Variants in PRPF38B observed in about 807,000 individuals in gnomAD.
PRPF38B encodes the protein pre-mRNA processing factor 38B.
A neutral mutation model predicts 67.2 loss-of-function variants in PRPF38B; 18 were observed. The observed-to-expected ratio is 0.27, with a 90% CI of 0.19 to 0.40. The LOEUF (loss-of-function observed/expected upper bound fraction) is 0.40. PRPF38B is among the 10% of genes least tolerant of loss of function. PRPF38B has a pLI of 1.00. For missense variants in PRPF38B, 544 were observed against 684.9 expected (o/e 0.79, Z 2.30); for synonymous variants, 246 against 234.2 (o/e 1.05, Z -0.46).
chr1:108,699,370 A>G lies in PRPF38B; in HGVS notation c.991A>G (p.Arg331Gly), dbSNP rs1342328551. The G allele has an allele frequency of 9.8e-5, 158 of 1,614,092 alleles. 1 individual carries two copies. Among genetic ancestry groups the G allele is most frequent in the Non-Finnish European group, 1.3e-4 (156 of 1,180,044 alleles). The change falls in exon 6 of 6, where the codon AGA becomes GGA. Residue 331 changes from arginine (R) to glycine (G), a missense_variant. By Grantham distance (125) the Arg-to-Gly change is moderately radical (BLOSUM62 -2). Around this residue, in one of 5 missense-constraint regions of PRPF38B, gnomAD observed 387 missense variants for 386.1 expected, o/e 1.00. Transcript: ENST00000370025. ...IDRGLERRRS[R>G]SRERHRSRSR... ...CCGGGGGTTAGAACGCAGGCGCAGC[A>G]GAAGTAGGGAAAGGCATAGAAGTCG... is the stretch of plus-strand genomic sequence containing the variant.
intron 2 of PRPF38B, 66 bp downstream of exon 2, chr1:108,695,836 C>G: frequency 6.5e-7 from 1 of 1,534,918 alleles, no homozygotes; most frequent in Non-Finnish European, 8.9e-7. Flanking sequence ...ATTTAGAGAA[C>G]TAGAGGCCTG....
Position 108,696,132 on chromosome 1 carries a change from G to T in PRPF38B, c.435G>T (p.Val145=), listed in dbSNP as rs148975514. 1 of 1,613,900 alleles carries T rather than the reference G, an allele frequency of 6.2e-7. No individual in the cohort carries two copies. The highest frequency in any genetic ancestry group is 1.3e-5 in the African/African-American group (1 of 74,922). ...CCCTGAAGTTAACTCGAAAGCAAGT[G>T]ATGGGTCTTATAACACACACAGACT... ...LFTLKLTRKQ[V]MGLITHTDSP... Residue 145 remains valine, a synonymous_variant, in exon 3 of 6, where the codon GTG becomes GTT. Coordinates refer to ENST00000370025, the MANE Select transcript of PRPF38B (RefSeq NM_018061.4).
chr1:108,696,411 G>T, intron 4 of PRPF38B, 74 bp downstream of exon 4: 1 of 1,351,280 alleles, frequency 7.4e-7, no homozygotes, highest in East Asian at 2.4e-5. Flanking sequence ...TTTATTGGTG[G>T]TTTAATGTCT....
chr1:108,693,610 G>GCAGCA, intron 1 of PRPF38B: 1 of 985,130 alleles, frequency 1.0e-6, no homozygotes, highest in African/African-American at 1.7e-5. Context: ...GTCTTGCAGC[G>GCAGCA]AGGCTCGGAG....
At chr1:108,693,898 A>G (rs547845092) in intron 1 of PRPF38B, among the ~76,000 whole-genome samples, 74 of 152,254 alleles carry the variant, frequency 4.9e-4, no homozygotes, top group African/African-American at 1.7e-3. Flanking sequence ...CTAATACACA[A>G]TCCATTTTTG....
rs1659834436 is a variant in PRPF38B, at chr1:108,696,038, T to C, written c.346-5T>C. 6 of 1,611,418 alleles carry C rather than the reference T, an allele frequency of 3.7e-6. No homozygotes were observed. The highest frequency in any genetic ancestry group is 5.1e-6 in the Non-Finnish European group (6 of 1,179,100). On this transcript the variant is annotated splice_polypyrimidine_tract_variant and splice_region_variant and intron_variant, in intron 2 of 5. Transcript: ENST00000370025. ...CTACTTTTTCTTAACTCGTTTCCCC[T>C]AAAGGTTCGAGGTGTTGGAACAGGA...
At position 108,702,098 on chromosome 1, in the gene PRPF38B, C is replaced by A. The variant is rs969286543; in HGVS notation, c.*2078C>A. Among the ~76,000 whole-genome samples the A allele has an allele frequency of 6.6e-6, 1 of 152,132 alleles. No homozygotes were observed. The highest frequency in any genetic ancestry group is 1.5e-5 in the Non-Finnish European group (1 of 68,020). On this transcript the variant is annotated 3_prime_UTR_variant, in exon 6 of 6. Coordinates refer to ENST00000370025, the MANE Select transcript of PRPF38B (RefSeq NM_018061.4). ...TCACCTCGATTGACAGTTCGATGATCGTCACTACATTTGATTTCTTGTGGG... is the reference window on the plus strand; with the variant it reads ...TCACCTCGATTGACAGTTCGATGATAGTCACTACATTTGATTTCTTGTGGG...
At chr1:108,697,109 A>G (rs1659945252) in intron 4 of PRPF38B, 1 of 204,364 alleles carries the variant, frequency 4.9e-6, no homozygotes, top group African/African-American at 2.3e-5. Flanking sequence ...CTGAGCATAG[A>G]GGTATGCATC....
chr1:108,693,169 A>T (rs544266099), intron 1 of PRPF38B, among the ~76,000 whole-genome samples: 3 of 152,340 alleles, frequency 2.0e-5, no homozygotes, highest in Admixed American at 2.0e-4. Context: ...AAAGAGTAAC[A>T]GAAGCCTTTC....
chr1:108,696,381 CAT>C (rs763078022), intron 4 of PRPF38B, 44 bp downstream of exon 4: 30 of 1,497,610 alleles, frequency 2.0e-5, no homozygotes, highest in East Asian at 2.3e-5. Context: ...TGATTACTCT[CAT>C]ATTTTTATTA....
At chr1:108,696,658 G>C in intron 4 of PRPF38B, 1 of 704,582 alleles carries the variant, frequency 1.4e-6, no homozygotes, top group Non-Finnish European at 2.6e-6. Flanking sequence ...TCAAGATGGG[G>C]CATGCTCAAG....
At position 108,700,271 on chromosome 1, in the gene PRPF38B, A is replaced by G. The variant is rs1660342370; in HGVS notation, c.*251A>G. 2 of 514,456 alleles carry G rather than the reference A, an allele frequency of 3.9e-6. No homozygotes were observed. The highest frequency in any genetic ancestry group is 4.2e-5 in the South Asian group (1 of 23,538). The allele number at this position is 514,456 out of a possible 1,614,324, so 31.9% of individuals were successfully genotyped here. A position where few individuals can be genotyped will look rare whatever the true frequency, so the allele number is the denominator to read the frequency against. On this transcript the variant is annotated 3_prime_UTR_variant, in exon 6 of 6. Transcript: ENST00000370025. ...TTTTTATTGTTTGTTTTTGAAATGT[A>G]CAGTCTGTACATATGTCCTGAAAAT...
At position 108,700,145 on chromosome 1, in the gene PRPF38B, T is replaced by A; in HGVS notation, c.*125T>A. ...TCTCCCTGTAGGCTGCATTTTCATT[T>A]CCTCTTTCGTGTAGGGAAGTGCCTT... On this transcript the variant is annotated 3_prime_UTR_variant, in exon 6 of 6. Coordinates refer to ENST00000370025, the MANE Select transcript of PRPF38B (RefSeq NM_018061.4). The A allele has an allele frequency of 1.4e-6, 2 of 1,406,554 alleles. No individual in the cohort carries two copies. Among genetic ancestry groups the A allele is most frequent in the African/African-American group, 1.4e-5 (1 of 69,274 alleles). 87.1% of individuals were successfully genotyped at this position (1,406,554 alleles called of 1,614,324 possible). A position where few individuals can be genotyped will look rare whatever the true frequency, so the allele number is the denominator to read the frequency against.
Position 108,700,100 on chromosome 1 carries a change from G to T in PRPF38B, c.*80G>T. 6.6e-7 allele frequency: 1 copy of T among 1,510,546 alleles called. No homozygotes were observed. Among genetic ancestry groups the T allele is most frequent in the South Asian group, 1.4e-5 (1 of 71,680 alleles). The allele number at this position is 1,510,546 out of a possible 1,614,324, so 93.6% of individuals were successfully genotyped here. On this transcript the variant is annotated 3_prime_UTR_variant, in exon 6 of 6. Transcript: ENST00000370025. ...TTTTCCCCCACGTTGAGATTGTGCA[G>T]TAGTTCGCACTCCTCAAGCTCTCCC...
At chr1:108,698,328 G>A (rs937282167) in intron 4 of PRPF38B, 16 of 325,488 alleles carry the variant, frequency 4.9e-5, no homozygotes, top group East Asian at 2.6e-4. Context: ...CAATCGTTCC[G>A]CATAGTTTAG....
At chr1:108,699,076 A>C in intron 5 of PRPF38B, 86 bp from the exon 6 acceptor site, 1 of 1,519,278 alleles carries the variant, frequency 6.6e-7, no homozygotes, top group Non-Finnish European at 8.8e-7. Context: ...GGACATGAAT[A>C]AATAATGCTG....
rs779914793 is a variant in PRPF38B, at chr1:108,692,689, G to GCGC, written c.99_101dup (p.Ala34dup). On this transcript the variant is annotated inframe_insertion, in exon 1 of 6. Coordinates refer to ENST00000370025, the MANE Select transcript of PRPF38B (RefSeq NM_018061.4). ...CAACAGCAGCAGTGCGGCGGCGGCG[G>GCGC]CGCTACCAAGCCGGCGGTCTCCGGC... 1.9e-6 allele frequency: 3 copies of GCGC among 1,613,060 alleles called. No individual in the cohort carries two copies. The highest frequency in any genetic ancestry group is 2.5e-6 in the Non-Finnish European group (3 of 1,180,002).
Position 108,696,346 on chromosome 1 carries a change from A to T in PRPF38B, c.558+9A>T. ...TCCTTGATGATGAAGAGGTATGTCA[A>T]CAAGGGTAATAATTTGTTTTCTTCT... is the stretch of plus-strand genomic sequence containing the variant. On this transcript the variant is annotated intron_variant, in intron 4 of 5. Coordinates refer to ENST00000370025, the MANE Select transcript of PRPF38B (RefSeq NM_018061.4). 1 of 1,601,602 alleles carries T rather than the reference A, an allele frequency of 6.2e-7. No homozygotes were observed. Among genetic ancestry groups the T allele is most frequent in the Non-Finnish European group, 8.5e-7 (1 of 1,170,464 alleles).
intron 1 of PRPF38B, chr1:108,693,650 CT>C: frequency 2.1e-6 from 2 of 971,536 alleles, no homozygotes. Context: ...GAGGTATGCA[CT>C]ATTAATCATG....
Sources: allele counts gnomAD v4.1 joint callset (sites outside exome capture counted in the v4.1 genomes callset), GRCh38; gene constraint gnomAD v4.1.1; regional missense constraint gnomAD v4.1.1; transcripts MANE v1.5; gene names NCBI Gene and HGNC (gene_info 2026-07-23, HGNC 2026-07-21).